The following STK32B variants were observed in gnomAD, a reference collection of about 807,000 sequenced individuals.
STK32B encodes the protein serine/threonine kinase 32B.
Under a neutral mutation model 52.6 loss-of-function variants are expected in STK32B, and 43 were observed. That is an observed-to-expected ratio of 0.82 (90% CI 0.64 to 1.05). The LOEUF is 1.05. Ranked by LOEUF, STK32B falls within the 50% of genes least tolerant of loss-of-function variation. The probability of loss-of-function intolerance (pLI) is 0.00; values close to 1 mark genes in which losing one functional copy is unlikely to be tolerated. For missense variants in STK32B, 621 were observed against 534.6 expected, an observed-to-expected ratio of 1.16 and a Z score of -1.59; for synonymous variants, 238 against 204.3, an observed-to-expected ratio of 1.17 and a Z score of -1.41.
intron 7 of STK32B, among the ~76,000 whole-genome samples, chr4:5,454,678 A>C (rs984032957): frequency 1.3e-5 from 2 of 152,150 alleles, no homozygotes; most frequent in Non-Finnish European, 2.9e-5. Flanking sequence ...CTTTCACCTC[A>C]GTGCCCAGCT....
At chr4:5,289,685 ATTTTTTTTTTTT>A (rs56211807) in intron 3 of STK32B, among the ~76,000 whole-genome samples, 13 of 86,882 alleles carry the variant, frequency 1.5e-4, no homozygotes, top group East Asian at 7.1e-4. Context: ...TGCCCGGCTA[ATTTTTTTTTTTT>A]TTTTTTTTTT....
chr4:5,133,416 C>T (rs1715893119), intron 1 of STK32B, among the ~76,000 whole-genome samples: 2 of 152,152 alleles, frequency 1.3e-5, no homozygotes, highest in South Asian at 2.1e-4. Context: ...GATCTCATTT[C>T]CCACTCCCTC....
At chr4:5,116,933 C>G (rs1466642712) in intron 1 of STK32B, among the ~76,000 whole-genome samples, 2 of 151,930 alleles carry the variant, frequency 1.3e-5, no homozygotes, top group African/African-American at 4.8e-5. Context: ...TTCTAAATTT[C>G]TTTTTTGGAT....
At chr4:5,255,561 C>G (rs1407773488) in intron 3 of STK32B, among the ~76,000 whole-genome samples, 1 of 152,142 alleles carries the variant, frequency 6.6e-6, no homozygotes, top group Middle Eastern at 3.4e-3. Flanking sequence ...CAGAGGGTCC[C>G]TCATGCCTCA....
At chr4:5,247,522 G>T (rs1046791199) in intron 3 of STK32B, among the ~76,000 whole-genome samples, 1 of 152,262 alleles carries the variant, frequency 6.6e-6, no homozygotes, top group East Asian at 1.9e-4. Flanking sequence ...TGCACTTCTC[G>T]GGTGAGGCGA....
At chr4:5,481,641 A>G (rs1330915430) in intron 11 of STK32B, among the ~76,000 whole-genome samples, 1 of 152,140 alleles carries the variant, frequency 6.6e-6, no homozygotes, top group Non-Finnish European at 1.5e-5. Flanking sequence ...TTGGTGTTTT[A>G]GACATGAAGT....
intron 2 of STK32B, among the ~76,000 whole-genome samples, chr4:5,157,570 A>G (rs1327959423): frequency 6.6e-6 from 1 of 152,180 alleles, no homozygotes; most frequent in South Asian, 2.1e-4. Flanking sequence ...TCTGGGGAAA[A>G]GGTCATCACA....
At chr4:5,019,430 G>A in the STK32B span, 8 of 1,476,816 alleles carry the variant, frequency 5.4e-6, no homozygotes, top group Middle Eastern at 2.2e-4. Flanking sequence ...ACGGGCAGAG[G>A]CCCAGGCGTC....
chr4:5,299,051 G>GT (rs968361816), intron 3 of STK32B, among the ~76,000 whole-genome samples: 3 of 151,962 alleles, frequency 2.0e-5, no homozygotes, highest in African/African-American at 7.2e-5. Flanking sequence ...AGGGGAGGGA[G>GT]TTACCCAGCC....
chr4:5,121,746 C>T (rs972301842), intron 1 of STK32B, among the ~76,000 whole-genome samples: 2 of 152,068 alleles, frequency 1.3e-5, no homozygotes, highest in Non-Finnish European at 2.9e-5. Context: ...AGGGATGAGG[C>T]TGGAGTGGGA....
chr4:5,298,878 C>A (rs1729377588), intron 3 of STK32B, among the ~76,000 whole-genome samples: 1 of 152,058 alleles, frequency 6.6e-6, no homozygotes, highest in Non-Finnish European at 1.5e-5. Flanking sequence ...AGTGTCTGCC[C>A]AAACAGCCAC....
chr4:5,278,385 A>C (rs1269969625), intron 3 of STK32B, among the ~76,000 whole-genome samples: 1 of 152,176 alleles, frequency 6.6e-6, no homozygotes, highest in African/African-American at 2.4e-5. Context: ...GTTGGGGTTC[A>C]GCGCATATGT....
At position 5,163,988 on chromosome 4, in the gene STK32B, C is replaced by T. The variant is rs968051668; in HGVS notation, c.109-4311C>T. 3.3e-5 allele frequency among the ~76,000 whole-genome samples: 5 copies of T among 152,088 alleles called. No homozygotes were observed. In the East Asian group the frequency reaches 7.7e-4, roughly 24 times the overall value. On this transcript the variant is annotated intron_variant, in intron 2 of 11. Coordinates refer to ENST00000282908, the MANE Select transcript of STK32B (RefSeq NM_018401.3). ...CTTCCCACTCTGTCCCATGGAGACC[C>T]GACTGTGGACCTGGTAGGGCCGGTT...
intron 3 of STK32B, among the ~76,000 whole-genome samples, chr4:5,194,021 G>T (rs570504385): frequency 3.2e-4 from 49 of 152,246 alleles, no homozygotes; most frequent in African/African-American, 1.0e-3. Context: ...TCTTAAAGAG[G>T]GTCCACAGTT....
chr4:5,083,344 A>C (rs1199147715), intron 1 of STK32B, among the ~76,000 whole-genome samples: 2 of 152,186 alleles, frequency 1.3e-5, no homozygotes, highest in Non-Finnish European at 2.9e-5. Flanking sequence ...AACAAAGTCC[A>C]CTTGATTGTG....
chr4:5,292,976 G>A (rs1728980928), intron 3 of STK32B, among the ~76,000 whole-genome samples: 1 of 152,068 alleles, frequency 6.6e-6, no homozygotes, highest in Non-Finnish European at 1.5e-5. Context: ...GGTGTGTGAT[G>A]TTCCCCTCCC....
intron 2 of STK32B, among the ~76,000 whole-genome samples, chr4:5,154,682 C>A (rs932827222): frequency 2.0e-5 from 3 of 152,196 alleles, no homozygotes; most frequent in African/African-American, 7.2e-5. Context: ...CTCTCTCACA[C>A]AGCAGCGCCA....
intron 6 of STK32B, among the ~76,000 whole-genome samples, chr4:5,417,347 A>G (rs1264393073): frequency 6.6e-6 from 1 of 151,996 alleles, no homozygotes; most frequent in South Asian, 2.1e-4. Flanking sequence ...TTTTTATGGG[A>G]TTATTGTTTT....
chr4:5,124,264 C>T (rs1459284298), intron 1 of STK32B, among the ~76,000 whole-genome samples: 1 of 152,190 alleles, frequency 6.6e-6, no homozygotes, highest in Non-Finnish European at 1.5e-5. Flanking sequence ...TCCGAGTGAG[C>T]AAAAGGTTTC....
Sources: allele counts gnomAD v4.1 joint callset (sites outside exome capture counted in the v4.1 genomes callset), GRCh38; gene constraint gnomAD v4.1.1; transcripts MANE v1.5; gene names NCBI Gene and HGNC (gene_info 2026-07-23, HGNC 2026-07-21).